TBC1D4: variants seen among roughly 807,000 people sequenced by gnomAD.
TBC1D4 encodes the protein TBC1 domain family member 4, also known as TBC (Tre-2, BUB2, CDC16) domain-containing protein.
In TBC1D4, 121 loss-of-function variants were observed where a neutral mutation model predicts 142.5. The ratio of observed to expected loss-of-function variants is 0.85; its 90% CI spans 0.73 to 0.99. The LOEUF (loss-of-function observed/expected upper bound fraction) is 0.99, where lower values mean the gene tolerates loss of function less well. Ranked by LOEUF, TBC1D4 falls within the 50% of genes least tolerant of loss-of-function variation. TBC1D4 has a pLI of 0.00. For synonymous variants in TBC1D4, 630 were observed against 628.2 expected, an observed-to-expected ratio of 1.00 and a Z score of -0.04; for missense variants, 1,475 against 1,606.6, an observed-to-expected ratio of 0.92 and a Z score of 1.40.
intron 1 of TBC1D4, among the ~76,000 whole-genome samples, chr13:75,412,275 T>C (rs959431192): frequency 6.6e-6 from 1 of 151,378 alleles, no homozygotes; most frequent in Non-Finnish European, 1.5e-5. Flanking sequence ...AGACGTGGGG[T>C]TTTTTTTGTT....
chr13:75,439,610 G>A (rs1003914051), intron 1 of TBC1D4, among the ~76,000 whole-genome samples: 2 of 152,056 alleles, frequency 1.3e-5, no homozygotes, highest in Non-Finnish European at 2.9e-5. Context: ...TAGTTTTGCT[G>A]TACCCAATGT....
rs544420419 is a variant in TBC1D4, at chr13:75,477,439, G to A, written c.498+3831C>T. Among the ~76,000 whole-genome samples the A allele has an allele frequency of 9.9e-5, 15 of 152,198 alleles. No homozygotes were observed. The South Asian group carries it at 1.0e-3, about 11-fold the overall frequency. ...TTTAAAATCATTCTTGCAAGCTTCAGTAAATAATACACAAAAACAACCAAT... is the reference window on the plus strand; with the variant it reads ...TTTAAAATCATTCTTGCAAGCTTCAATAAATAATACACAAAAACAACCAAT... On this transcript the variant is annotated intron_variant, in intron 1 of 20. Coordinates refer to ENST00000377636, the MANE Select transcript of TBC1D4 (RefSeq NM_014832.5).
intron 1 of TBC1D4, among the ~76,000 whole-genome samples, chr13:75,392,166 T>G (rs1206316275): frequency 6.6e-6 from 1 of 152,184 alleles, no homozygotes; most frequent in African/African-American, 2.4e-5. Flanking sequence ...CAACAAATAT[T>G]TGCTGAATAA....
At chr13:75,425,505 G>T (rs544057044) in intron 1 of TBC1D4, among the ~76,000 whole-genome samples, 55 of 152,226 alleles carry the variant, frequency 3.6e-4, no homozygotes, top group African/African-American at 1.1e-3. Flanking sequence ...TGTTGAAAAG[G>T]TATCTATACT....
At chr13:75,459,088 A>G (rs1189231450) in intron 1 of TBC1D4, among the ~76,000 whole-genome samples, 1 of 152,090 alleles carries the variant, frequency 6.6e-6, no homozygotes, top group East Asian at 1.9e-4. Flanking sequence ...TCGTTGGCAC[A>G]CCTGCTTCCG....
intron 1 of TBC1D4, among the ~76,000 whole-genome samples, chr13:75,383,785 C>A (rs991262237): frequency 6.6e-6 from 1 of 152,136 alleles, no homozygotes; most frequent in African/African-American, 2.4e-5. Flanking sequence ...TGGAATGTGT[C>A]CCCCACTGAT....
At position 75,306,420 on chromosome 13, in the gene TBC1D4, A is replaced by G. The variant is rs1488856935; in HGVS notation, c.2645T>C (p.Val882Ala). 1 of 1,613,388 alleles carries G rather than the reference A, an allele frequency of 6.2e-7. No homozygotes were observed. The highest frequency in any genetic ancestry group is 1.1e-5 in the South Asian group (1 of 91,054). Residue 882 changes from valine (V) to alanine (A), a missense_variant, in exon 15 of 21, where the codon GTT (valine) becomes GCT (alanine). By Grantham distance (64) the Val-to-Ala change is moderately conservative. This residue lies in a region of TBC1D4 where 1,227 missense variants were observed against 1,267.7 expected (regional missense o/e 0.97). Coordinates refer to ENST00000377636, the MANE Select transcript of TBC1D4 (RefSeq NM_014832.5). ...SRKVKLDYEE[V>A]GACQKEVLIT... ...TAAGACCTCTTTCTGACATGCACCAACTTCTTCATAGTCTAATTTAACTTT... is the reference window on the plus strand; with the variant it reads ...TAAGACCTCTTTCTGACATGCACCAGCTTCTTCATAGTCTAATTTAACTTT...
intron 20 of TBC1D4, 131 bp from the exon 21 acceptor site, chr13:75,287,156 C>A: frequency 1.3e-6 from 1 of 779,662 alleles, no homozygotes; most frequent in Non-Finnish European, 2.1e-6. Flanking sequence ...TGAAAACCTA[C>A]AGGAAACGAT....
At chr13:75,334,955 A>G (rs1177973628) in intron 8 of TBC1D4, among the ~76,000 whole-genome samples, 1 of 152,078 alleles carries the variant, frequency 6.6e-6, no homozygotes, top group Non-Finnish European at 1.5e-5. Context: ...TTACTTCTTC[A>G]GTCCCTGTGT....
chr13:75,440,739 CTT>C (rs575270198), intron 1 of TBC1D4, among the ~76,000 whole-genome samples: 4 of 139,506 alleles, frequency 2.9e-5, no homozygotes, highest in Non-Finnish European at 1.6e-5. Context: ...TTATTTGTTT[CTT>C]TTTTTTTTTT....
intron 5 of TBC1D4, among the ~76,000 whole-genome samples, chr13:75,344,372 A>G (rs1280816105): frequency 6.6e-6 from 1 of 152,252 alleles, no homozygotes; most frequent in Non-Finnish European, 1.5e-5. Flanking sequence ...TTAGTCCTCT[A>G]TGTTAGTCAA....
rs1054114105 is a variant in TBC1D4 at position 75,337,154 on chromosome 13, C to T, written c.1612-114G>A. 3.2e-6 allele frequency: 3 copies of T among 938,392 alleles called. No individual in the cohort carries two copies. In the African/African-American group the frequency reaches 4.9e-5, roughly 15 times the overall value. 58.1% of individuals were successfully genotyped at this position (938,392 alleles called of 1,614,324 possible). A position where few individuals can be genotyped will look rare whatever the true frequency, so the allele number is the denominator to read the frequency against. ...AAAACACAAGAATTCTTCAGTAGCT[C>T]TATTAATAAGTAATAATTTAGGTCC... On this transcript the variant is annotated intron_variant, in intron 7 of 20. Transcript: ENST00000377636.
At chr13:75,341,709 C>G (rs756526307) in intron 5 of TBC1D4, 122 bp from the exon 6 acceptor site, 8 of 779,690 alleles carry the variant, frequency 1.0e-5, no homozygotes, top group Non-Finnish European at 1.8e-5. Context: ...CTCAAGGAGA[C>G]GTGTTCCTGC....
chr13:75,334,896 T>A (rs1172544393), intron 8 of TBC1D4, among the ~76,000 whole-genome samples: 2 of 152,148 alleles, frequency 1.3e-5, no homozygotes, highest in African/African-American at 4.8e-5. Flanking sequence ...ACCCTTTTCA[T>A]ATTAGTAATT....
At chr13:75,449,494 C>T (rs1191481315) in intron 1 of TBC1D4, among the ~76,000 whole-genome samples, 5 of 151,780 alleles carry the variant, frequency 3.3e-5, no homozygotes, top group African/African-American at 1.2e-4. Context: ...TTGGACCACG[C>T]TTGACCACAG....
At chr13:75,321,176 C>T (rs1054948498) in intron 11 of TBC1D4, among the ~76,000 whole-genome samples, 1 of 151,960 alleles carries the variant, frequency 6.6e-6, no homozygotes, top group Non-Finnish European at 1.5e-5. Flanking sequence ...AAAATTATAA[C>T]TGATAGTACT....
chr13:75,474,515 C>T lies in TBC1D4; in HGVS notation c.498+6755G>A, dbSNP rs75193716. ...CGGAGCTTGCAGTGAGCCGAGATTG[C>T]GCCACTGCACTCCAGCCTGGGCGAC... On this transcript the variant is annotated intron_variant, in intron 1 of 20. Transcript: ENST00000377636. 2.0e-4 allele frequency among the ~76,000 whole-genome samples: 30 copies of T among 152,170 alleles called. No individual in the cohort carries two copies. The East Asian group carries it at 5.4e-3, about 27-fold the overall frequency.
intron 15 of TBC1D4, among the ~76,000 whole-genome samples, chr13:75,304,622 A>G (rs1267157504): frequency 1.3e-5 from 2 of 152,160 alleles, no homozygotes; most frequent in Non-Finnish European, 2.9e-5. Flanking sequence ...AGGAAATGGT[A>G]TTTGAGGGAC....
intron 1 of TBC1D4, among the ~76,000 whole-genome samples, chr13:75,405,899 A>C (rs1405194118): frequency 2.0e-5 from 3 of 152,204 alleles, no homozygotes; most frequent in Non-Finnish European, 4.4e-5. Context: ...CTTATCTTTT[A>C]AGAATTAAGT....
Sources: gnomAD v4.1 joint callset for allele counts (sites outside exome capture counted in the v4.1 genomes callset) on GRCh38, gnomAD v4.1.1 for gene constraint, gnomAD v4.1.1 regional missense constraint, MANE v1.5 for transcripts, NCBI Gene and HGNC (gene_info 2026-07-23, HGNC 2026-07-21) for gene names.